The following THBS4 variants were observed in gnomAD, a reference collection of about 807,000 sequenced individuals.
THBS4 encodes the protein thrombospondin-4.
THBS4 carries 90 observed loss-of-function variants against 115.7 expected under a neutral mutation model. That is an observed-to-expected ratio of 0.78 (90% confidence interval 0.66 to 0.93). THBS4 has a LOEUF of 0.93. Ranked by LOEUF, THBS4 falls within the 40% of genes least tolerant of loss-of-function variation. The pLI is 0.00. For synonymous variants in THBS4, 460 were observed against 479.3 expected, an observed-to-expected ratio of 0.96 and a Z score of 0.53; for missense variants, 1,087 against 1,232.7, an observed-to-expected ratio of 0.88 and a Z score of 1.77.
intron 1 of THBS4, among the ~76,000 whole-genome samples, chr5:79,992,621 A>G (rs899870429): frequency 1.3e-5 from 2 of 152,260 alleles, no homozygotes; most frequent in African/African-American, 2.4e-5. Flanking sequence ...CGAAACATTT[A>G]TTGAGCAGCT....
chr5:80,061,747 G>A lies in THBS4; in HGVS notation c.1040G>A (p.Gly347Asp). ...PGVHCINLSP[G>D]FRCDACPVGF... ...GTGCACTGCATAAATTTGTCTCCTG[G>A]CTTCAGATGTGACGCCTGCCCAGTG... is the stretch of plus-strand genomic sequence containing the variant. The change falls in exon 8 of 22, where the codon GGC (glycine) becomes GAC (aspartate). Residue 347 changes from glycine to aspartate, a missense_variant. By Grantham distance (94) the Gly-to-Asp change is moderately conservative. This residue lies in a region of THBS4 where 979 missense variants were observed against 1,103.7 expected (regional missense o/e 0.89). Transcript: ENST00000350881. The A allele has an allele frequency of 6.2e-7, 1 of 1,614,092 alleles. No homozygotes were observed. Among genetic ancestry groups the A allele is most frequent in the Non-Finnish European group, 8.5e-7 (1 of 1,180,008 alleles).
At chr5:80,066,984 T>G (rs1833851563) in intron 9 of THBS4, 1 of 152,226 alleles carries the variant, frequency 6.6e-6, no homozygotes, top group African/African-American at 2.4e-5. Flanking sequence ...ACTAAGAGGT[T>G]GTGAGTGACT....
intron 13 of THBS4, 75 bp from the exon 14 acceptor site, chr5:80,072,203 T>C: frequency 7.4e-7 from 1 of 1,357,334 alleles, no homozygotes; most frequent in South Asian, 1.2e-5. Flanking sequence ...TGACTCACCA[T>C]GCGCCTGATC....
In THBS4 at chr5:80,058,878, A is replaced by AT. The variant is rs1833525401; in HGVS notation, c.732+88_732+89insT. ...AGTGGAGCTGCAGGCCTGCCCAGGCACGGGGGCAGCCTCTGAGCCAGATCT... is the reference window on the plus strand; with the variant it reads ...AGTGGAGCTGCAGGCCTGCCCAGGCATCGGGGGCAGCCTCTGAGCCAGATCT... On this transcript the variant is annotated intron_variant, in intron 5 of 21. Transcript: ENST00000350881. 5.2e-6 allele frequency: 7 copies of AT among 1,346,358 alleles called. No individual in the cohort carries two copies. In the African/African-American group the frequency reaches 1.0e-4, roughly 20 times the overall value. The allele number at this position is 1,346,358 out of a possible 1,614,324, so 83.4% of individuals were successfully genotyped here. A position where few individuals can be genotyped will look rare whatever the true frequency, so the allele number is the denominator to read the frequency against.
At position 80,035,537 on chromosome 5, in the gene THBS4, C is replaced by T; in HGVS notation, c.-1C>T. Reference sequence around the variant, plus strand: ...CCTCGCGGGGAGCAGGAAGAGCCAACATGCTGGCCCCGCGCGGAGCCGCCG... The same window carrying T: ...CCTCGCGGGGAGCAGGAAGAGCCAATATGCTGGCCCCGCGCGGAGCCGCCG... On this transcript the variant is annotated 5_prime_UTR_variant, in exon 1 of 22. Coordinates refer to ENST00000350881, the MANE Select transcript of THBS4 (RefSeq NM_003248.6). The surrounding 1 kb of genome is among the most constrained non-coding windows in gnomAD (Gnocchi z 4.6). 1 of 1,385,204 alleles carries T rather than the reference C, an allele frequency of 7.2e-7. No individual in the cohort carries two copies. Among genetic ancestry groups the T allele is most frequent in the Non-Finnish European group, 9.4e-7 (1 of 1,068,644 alleles). 85.8% of individuals were successfully genotyped at this position (1,385,204 alleles called of 1,614,324 possible).
At chr5:80,042,665 T>C (rs886681475) in intron 2 of THBS4, among the ~76,000 whole-genome samples, 3 of 152,164 alleles carry the variant, frequency 2.0e-5, no homozygotes, top group Non-Finnish European at 2.9e-5. Flanking sequence ...ACCAGTAATA[T>C]GAGTCAGCTG....
chr5:80,072,206 G>A (rs886418041), intron 13 of THBS4, 72 bp from the exon 14 acceptor site: 44 of 1,389,634 alleles, frequency 3.2e-5, no homozygotes, highest in Middle Eastern at 1.8e-4. Flanking sequence ...CTCACCATGC[G>A]CCTGATCTCT....
intron 2 of THBS4, among the ~76,000 whole-genome samples, chr5:80,002,752 A>G (rs1580901869): frequency 8.3e-6 from 1 of 120,074 alleles, no homozygotes; most frequent in Non-Finnish European, 2.0e-5. Context: ...GGAGAAAAAA[A>G]AAAAAAAAAA....
Position 80,059,690 on chromosome 5 carries a change from T to G in THBS4, c.785-13T>G, listed in dbSNP as rs1303686482. 6.2e-7 allele frequency: 1 copy of G among 1,613,182 alleles called. No homozygotes were observed. Among genetic ancestry groups the G allele is most frequent in the Non-Finnish European group, 8.5e-7 (1 of 1,179,176 alleles). On this transcript the variant is annotated splice_polypyrimidine_tract_variant and intron_variant, in intron 6 of 21. Transcript: ENST00000350881. Reference sequence around the variant, plus strand: ...GGCGGTGAATACGCCTGTGGATGATTGTTTTTCTCTAGGTCCTCTCAAGTT... The same window carrying G: ...GGCGGTGAATACGCCTGTGGATGATGGTTTTTCTCTAGGTCCTCTCAAGTT...
intron 2 of THBS4, among the ~76,000 whole-genome samples, chr5:80,020,135 C>T (rs73770688): frequency 0.018 from 2,806 of 152,208 alleles, 87 homozygotes; most frequent in African/African-American, 0.064. Flanking sequence ...CAAAAGTGAA[C>T]GTAAATGAAG....
At chr5:80,013,542 C>T (rs1006046066) in intron 2 of THBS4, among the ~76,000 whole-genome samples, 2 of 152,052 alleles carry the variant, frequency 1.3e-5, no homozygotes, top group Non-Finnish European at 2.9e-5. Flanking sequence ...ACTTTGAGTC[C>T]TATTTATGTT....
intron 14 of THBS4, 121 bp downstream of exon 14, chr5:80,072,517 C>A: frequency 2.3e-6 from 2 of 873,796 alleles, no homozygotes; most frequent in Non-Finnish European, 1.9e-6. Context: ...CCTAACAAAG[C>A]AGAGGTGGAA....
chr5:80,059,688 A>AT lies in THBS4; in HGVS notation c.785-13dup, dbSNP rs1156395018. 2 of 1,612,876 alleles carry AT rather than the reference A, an allele frequency of 1.2e-6. No homozygotes were observed. Among genetic ancestry groups the AT allele is most frequent in the African/African-American group, 2.7e-5 (2 of 74,864 alleles). ...CTGGCGGTGAATACGCCTGTGGATG[A>AT]TTGTTTTTCTCTAGGTCCTCTCAAG... On this transcript the variant is annotated splice_polypyrimidine_tract_variant and intron_variant, in intron 6 of 21. Transcript: ENST00000350881.
chr5:80,078,698 C>A, intron 17 of THBS4: 2 of 479,348 alleles, frequency 4.2e-6, no homozygotes, highest in Admixed American at 3.4e-5. Context: ...ACAGTCTCAG[C>A]AAACTTATTT....
At chr5:80,023,210 GT>G (rs1464926170) in intron 2 of THBS4, among the ~76,000 whole-genome samples, 1 of 152,194 alleles carries the variant, frequency 6.6e-6, no homozygotes, top group Admixed American at 6.5e-5. Flanking sequence ...CTGAGACCTT[GT>G]TTGGCCTGAA....
chr5:80,059,839 C>T lies in THBS4; in HGVS notation c.921C>T (p.Gly307=), dbSNP rs1055206414. Residue 307 remains glycine, a synonymous_variant, in exon 7 of 22, where the codon GGC becomes GGT. Transcript: ENST00000350881. ...TCCAATGTACCGACAGTAGAGATGGCTTCCAGTGTGGGCCCTGCCCCGAGG... is the reference window on the plus strand; with the variant it reads ...TCCAATGTACCGACAGTAGAGATGGTTTCCAGTGTGGGCCCTGCCCCGAGG... The part of the protein sequence containing the change: ...RGVQCTDSRD[G]FQCGPCPEGY... 6 of 1,613,714 alleles carry T rather than the reference C, an allele frequency of 3.7e-6. No individual in the cohort carries two copies. In the African/African-American group the frequency reaches 4.0e-5, roughly 11 times the overall value.
At chr5:80,078,298 A>C in intron 17 of THBS4, 71 bp downstream of exon 17, 3 of 1,333,474 alleles carry the variant, frequency 2.2e-6, no homozygotes, top group Non-Finnish European at 3.0e-6. Context: ...GTGGTAGGTC[A>C]TGTTTAGAGG....
intron 2 of THBS4, among the ~76,000 whole-genome samples, chr5:80,018,561 A>G (rs1306641126): frequency 6.6e-6 from 1 of 151,494 alleles, no homozygotes; most frequent in Non-Finnish European, 1.5e-5. Context: ...CACCCGGCTA[A>G]TTTTTGTACT....
rs1743248412 is a variant in THBS4 at position 80,076,960 on chromosome 5, T to C, written c.1998T>C (p.Asp666=). The C allele has an allele frequency of 6.2e-7, 1 of 1,613,694 alleles. No homozygotes were observed. Residue 666 remains aspartate (D), a synonymous_variant, in exon 16 of 22, where the codon GAT becomes GAC. Coordinates refer to ENST00000350881, the MANE Select transcript of THBS4 (RefSeq NM_003248.6). ...GAATTGGTGACGAGTGTGATGATGA[T>C]GATGACAATGATGGTATCCCAGACC... is the stretch of plus-strand genomic sequence containing the variant. ...KDGIGDECDD[D]DDNDGIPDLV...
Sources: gnomAD v4.1 joint callset for allele counts (sites outside exome capture counted in the v4.1 genomes callset) on GRCh38, gnomAD v4.1.1 for gene constraint, gnomAD v4.1.1 regional missense constraint, Gnocchi (gnomAD v3.1) non-coding constraint, MANE v1.5 for transcripts, NCBI Gene and HGNC (gene_info 2026-07-23, HGNC 2026-07-21) for gene names.